The following RGS6 variants were observed in gnomAD, a reference collection of about 807,000 sequenced individuals.
RGS6 encodes regulator of G protein signaling 6.
Under a neutral mutation model 78.5 loss-of-function variants are expected in RGS6, and 30 were observed. The observed-to-expected ratio is 0.38, with a 90% CI of 0.29 to 0.52. RGS6 has a LOEUF of 0.52. Among genes scored for constraint, RGS6 ranks in the 20% least tolerant of loss-of-function variants. RGS6 has a pLI of 0.85. For synonymous variants in RGS6, 206 were observed against 206.0 expected (o/e 1.00, Z 0.00); for missense variants, 495 against 609.7 (o/e 0.81, Z 1.98).
intron 13 of RGS6, among the ~76,000 whole-genome samples, chr14:72,498,229 A>AT (rs1366809128): frequency 6.6e-6 from 1 of 151,964 alleles, no homozygotes; most frequent in Non-Finnish European, 1.5e-5. Flanking sequence ...TGTGATATAG[A>AT]TTTTTTTCAT....
In RGS6 at chr14:72,320,316, C is replaced by T. The variant is rs138788086; in HGVS notation, c.85-31779C>T. ...ACTATTGGCTGGGCGTGGTGGCTAA[C>T]ACCTGTAATCCCAACACTTTGGGAG... On this transcript the variant is annotated intron_variant, in intron 2 of 17. Coordinates refer to ENST00000553525, the MANE Select transcript of RGS6 (RefSeq NM_001204424.2). 3.3e-3 allele frequency among the ~76,000 whole-genome samples: 507 copies of T among 152,330 alleles called. 2 individuals are homozygous for T. The highest frequency in any genetic ancestry group is 0.012 in the African/African-American group (495 of 41,582).
intron 17 of RGS6, among the ~76,000 whole-genome samples, chr14:72,543,574 T>C (rs1232509536): frequency 6.6e-6 from 1 of 152,220 alleles, no homozygotes; most frequent in African/African-American, 2.4e-5. Flanking sequence ...GATTCTTTGG[T>C]GGGAAGTCTC....
chr14:72,429,187 G>A (rs975262963), intron 3 of RGS6, among the ~76,000 whole-genome samples: 2 of 152,256 alleles, frequency 1.3e-5, no homozygotes, highest in African/African-American at 4.8e-5. Context: ...GGGTGGCAGA[G>A]CAAGACTCTG....
chr14:72,187,703 A>C (rs1468070986), intron 2 of RGS6, among the ~76,000 whole-genome samples: 1 of 152,090 alleles, frequency 6.6e-6, no homozygotes, highest in Admixed American at 6.6e-5. Flanking sequence ...CCCTTCCCTC[A>C]GCCCCCAATT....
intron 3 of RGS6, among the ~76,000 whole-genome samples, chr14:72,431,840 T>C (rs923218674): frequency 2.6e-5 from 4 of 152,136 alleles, no homozygotes; most frequent in Non-Finnish European, 5.9e-5. Context: ...CCTTTTCTCC[T>C]CTTATTCCAG....
chr14:72,004,060 G>T (rs143406606), intron 2 of RGS6, among the ~76,000 whole-genome samples: 16 of 152,268 alleles, frequency 1.1e-4, no homozygotes, highest in South Asian at 4.1e-4. Context: ...ATTGGTATGG[G>T]GTAAGAGACA....
chr14:72,154,815 C>G (rs2096747446), intron 2 of RGS6, among the ~76,000 whole-genome samples: 1 of 152,226 alleles, frequency 6.6e-6, no homozygotes, highest in South Asian at 2.1e-4. Flanking sequence ...GAAAACCCCA[C>G]ATCTTTTCCC....
Position 72,096,543 on chromosome 14 carries a change from G to GT in RGS6, c.84+131670dup, listed in dbSNP as rs539069345. ...TTATTTCCTTGGCATCCCTGTTCTG[G>GT]TTATGTCTTGCTGTGTACTCTAGAC... On this transcript the variant is annotated intron_variant, in intron 2 of 17. Transcript: ENST00000553525. Among the ~76,000 whole-genome samples, 6 of 152,228 alleles carry GT rather than the reference G, an allele frequency of 3.9e-5. No individual in the cohort carries two copies. In the South Asian group the frequency reaches 1.2e-3, roughly 32 times the overall value.
chr14:72,284,557 T>C (rs2062159291), intron 2 of RGS6, among the ~76,000 whole-genome samples: 2 of 152,194 alleles, frequency 1.3e-5, no homozygotes, highest in African/African-American at 4.8e-5. Flanking sequence ...TCAGAGGATA[T>C]ATGGAAACTC....
Position 72,039,402 on chromosome 14 carries a change from T to C in RGS6, c.84+74527T>C, listed in dbSNP as rs562956944. Reference sequence around the variant, plus strand: ...ATTTAGGGCCTCACGTTTATACTTATTGTATCTTCCCTATGAATTGGCCCT... The same window carrying C: ...ATTTAGGGCCTCACGTTTATACTTACTGTATCTTCCCTATGAATTGGCCCT... On this transcript the variant is annotated intron_variant, in intron 2 of 17. Transcript: ENST00000553525. Among the ~76,000 whole-genome samples, 38 of 152,302 alleles carry C rather than the reference T, an allele frequency of 2.5e-4. No individual in the cohort carries two copies. The South Asian group carries it at 3.7e-3, about 15-fold the overall frequency.
At chr14:72,239,812 T>G (rs2052271719) in intron 2 of RGS6, among the ~76,000 whole-genome samples, 1 of 152,236 alleles carries the variant, frequency 6.6e-6, no homozygotes, top group African/African-American at 2.4e-5. Flanking sequence ...CATTTGACCA[T>G]TGAAAATAAT....
downstream of RGS6, among the ~76,000 whole-genome samples, chr14:72,570,398 G>A (rs150429369): frequency 3.4e-3 from 525 of 152,294 alleles, 2 homozygotes; most frequent in African/African-American, 0.012. Flanking sequence ...GGAAACAAAG[G>A]GAAGTAATGG....
chr14:72,348,808 CAG>C (rs1375325133), intron 2 of RGS6, among the ~76,000 whole-genome samples: 5 of 152,148 alleles, frequency 3.3e-5, no homozygotes, highest in Admixed American at 6.5e-5. Flanking sequence ...TGCATTTTTT[CAG>C]AGTGTTGTTG....
chr14:72,432,265 C>T lies in RGS6; in HGVS notation c.185-22263C>T, dbSNP rs1597428695. ...ACCAGTCCTGGGCTATGTTGATGGG[C>T]GTGGCCCAGTTGCCTTGTACCAAGT... On this transcript the variant is annotated intron_variant, in intron 3 of 17. Coordinates refer to ENST00000553525, the MANE Select transcript of RGS6 (RefSeq NM_001204424.2). 3.3e-5 allele frequency among the ~76,000 whole-genome samples: 5 copies of T among 152,270 alleles called. No individual in the cohort carries two copies. The South Asian group carries it at 1.0e-3, about 32-fold the overall frequency.
At chr14:72,015,410 G>C (rs1439949217) in intron 2 of RGS6, among the ~76,000 whole-genome samples, 1 of 152,204 alleles carries the variant, frequency 6.6e-6, no homozygotes, top group African/African-American at 2.4e-5. Flanking sequence ...TTCAACATGA[G>C]ATTTGGAGAG....
chr14:71,876,346 A>G, the RGS6 span, among the ~76,000 whole-genome samples: 2 of 152,214 alleles, frequency 1.3e-5, no homozygotes, highest in South Asian at 4.2e-4. Context: ...GGGTGCATAT[A>G]TATTTAGGAT....
At chr14:72,582,385 C>T in the RGS6 span, among the ~76,000 whole-genome samples, 50 of 152,128 alleles carry the variant, frequency 3.3e-4, no homozygotes, top group Non-Finnish European at 5.3e-4. Context: ...TCTATTATAA[C>T]GTGAAACAAT....
At chr14:71,945,126 A>G (rs570370234) in intron 1 of RGS6, among the ~76,000 whole-genome samples, 4 of 152,338 alleles carry the variant, frequency 2.6e-5, no homozygotes, top group African/African-American at 7.2e-5. Flanking sequence ...TAAACTCCTT[A>G]TAGTTAAAGC....
At chr14:72,085,708 G>T (rs767030292) in intron 2 of RGS6, among the ~76,000 whole-genome samples, 5 of 152,046 alleles carry the variant, frequency 3.3e-5, no homozygotes, top group Non-Finnish European at 7.4e-5. Flanking sequence ...ACAAAAATTA[G>T]CTGGGTGTGG....
Sources: gnomAD v4.1 joint callset for allele counts (sites outside exome capture counted in the v4.1 genomes callset) on GRCh38, gnomAD v4.1.1 for gene constraint, MANE v1.5 for transcripts, NCBI Gene and HGNC (gene_info 2026-07-23, HGNC 2026-07-21) for gene names.